FBXL5: variants seen among roughly 807,000 people sequenced by gnomAD.
FBXL5 encodes F-box/LRR-repeat protein 5.
FBXL5 carries 26 observed loss-of-function variants against 78.3 expected under a neutral mutation model. The observed-to-expected ratio is 0.33, with a 90% CI of 0.24 to 0.46. FBXL5 has a LOEUF of 0.46. FBXL5 is among the 20% of genes least tolerant of loss of function. FBXL5 has a pLI of 1.00. For missense variants in FBXL5, 710 were observed against 829.2 expected, an observed-to-expected ratio of 0.86 and a Z score of 1.77; for synonymous variants, 295 against 282.5, an observed-to-expected ratio of 1.04 and a Z score of -0.45.
intron 5 of FBXL5, among the ~76,000 whole-genome samples, chr4:15,631,318 T>A (rs1222819723): frequency 6.6e-6 from 1 of 152,234 alleles, no homozygotes; most frequent in Admixed American, 6.5e-5. Context: ...AGTCTATCAT[T>A]GATGGACATT....
At chr4:15,643,102 T>G (rs1465899500) in intron 2 of FBXL5, among the ~76,000 whole-genome samples, 1 of 152,160 alleles carries the variant, frequency 6.6e-6, no homozygotes, top group East Asian at 1.9e-4. Flanking sequence ...CGAAAGAATA[T>G]TCAATAAAAA....
chr4:15,616,268 C>G (rs369863102), intron 9 of FBXL5, among the ~76,000 whole-genome samples: 3 of 152,354 alleles, frequency 2.0e-5, no homozygotes, highest in African/African-American at 7.2e-5. Context: ...AAGAACCCAC[C>G]AATTCCGGAC....
chr4:15,678,869 C>A, intron 1 of FBXL5, among the ~76,000 whole-genome samples: 1 of 152,092 alleles, frequency 6.6e-6, no homozygotes. Flanking sequence ...CTGTTTCTCA[C>A]TCTACTGTTG....
intron 9 of FBXL5, among the ~76,000 whole-genome samples, chr4:15,616,649 C>T (rs1711914608): frequency 6.6e-6 from 1 of 152,240 alleles, no homozygotes; most frequent in South Asian, 2.1e-4. Flanking sequence ...TTCCCCAATT[C>T]CAGTGACAGC....
chr4:15,607,182 A>T (rs779148313), intron 10 of FBXL5, among the ~76,000 whole-genome samples: 1 of 152,182 alleles, frequency 6.6e-6, no homozygotes, highest in Non-Finnish European at 1.5e-5. Flanking sequence ...TAGATATGGG[A>T]ATGAGCAATG....
chr4:15,674,642 T>C (rs1418399252), intron 1 of FBXL5, among the ~76,000 whole-genome samples: 1 of 151,588 alleles, frequency 6.6e-6, no homozygotes, highest in Non-Finnish European at 1.5e-5. Flanking sequence ...ATCAACGTTA[T>C]GGGATTTTTG....
chr4:15,673,457 A>T (rs568741303), intron 1 of FBXL5, among the ~76,000 whole-genome samples: 1 of 152,224 alleles, frequency 6.6e-6, no homozygotes, highest in South Asian at 2.1e-4. Flanking sequence ...AATAAAGATA[A>T]AATAAGGATA....
At chr4:15,653,923 TTAAG>T (rs1170422463) in intron 1 of FBXL5, among the ~76,000 whole-genome samples, 2 of 152,210 alleles carry the variant, frequency 1.3e-5, no homozygotes, top group African/African-American at 4.8e-5. Context: ...AGTTTTTAGT[TTAAG>T]GCTAATAAGC....
Position 15,636,531 on chromosome 4 carries a change from C to T in FBXL5, c.729G>A (p.Ser243=), listed in dbSNP as rs371090462. The change falls in exon 5 of 11, where the codon TCG becomes TCA. Residue 243 remains serine, a synonymous_variant. Coordinates refer to ENST00000341285, the MANE Select transcript of FBXL5 (RefSeq NM_012161.4). ...MKWSQLTKTG[S]LWKHLYPVHW... is the part of the protein sequence containing the mutation. ...GAACAGGGTAAAGATGTTTCCAAAG[C>T]GATCCCGTTTTTGTCAGCTGAGACC... The T allele has an allele frequency of 3.2e-5, 52 of 1,612,824 alleles. No individual in the cohort carries two copies. Among genetic ancestry groups the T allele is most frequent in the Non-Finnish European group, 4.1e-5 (48 of 1,179,428 alleles).
intron 9 of FBXL5, among the ~76,000 whole-genome samples, chr4:15,623,551 TA>T (rs1369708894): frequency 2.0e-5 from 3 of 152,144 alleles, no homozygotes; most frequent in Non-Finnish European, 4.4e-5. Flanking sequence ...TAAATTGAAC[TA>T]AAAATTGCTT....
intron 1 of FBXL5, among the ~76,000 whole-genome samples, chr4:15,646,612 T>C (rs191229818): frequency 2.0e-5 from 3 of 152,216 alleles, no homozygotes; most frequent in Admixed American, 6.5e-5. Flanking sequence ...TTGTTACATA[T>C]GTATACATGT....
intron 5 of FBXL5, 83 bp downstream of exon 5, chr4:15,636,409 TTC>T (rs1002289635): frequency 6.5e-6 from 7 of 1,081,652 alleles, no homozygotes; most frequent in African/African-American, 1.7e-5. Flanking sequence ...CTCTCAGAGT[TTC>T]TCTCTCTGGC....
At chr4:15,670,710 GA>G (rs59482229) in intron 1 of FBXL5, among the ~76,000 whole-genome samples, 91,358 of 148,846 alleles carry the variant, frequency 0.61, 27,936 homozygotes, top group Non-Finnish European at 0.64. Context: ...TTGAAAAAAG[GA>G]AAAAAAAAAA....
chr4:15,662,033 G>T (rs191698762), upstream of FBXL5, among the ~76,000 whole-genome samples: 14 of 152,324 alleles, frequency 9.2e-5, no homozygotes, highest in East Asian at 2.5e-3. Context: ...GAGAGCAAAT[G>T]ATTTCAAACC....
intron 5 of FBXL5, among the ~76,000 whole-genome samples, chr4:15,635,963 A>C (rs1037626882): frequency 6.6e-6 from 1 of 152,098 alleles, no homozygotes; most frequent in African/African-American, 2.4e-5. Context: ...TGGCATTACC[A>C]ATCAAATAAA....
In FBXL5 at chr4:15,612,957, C is replaced by G. The variant is rs542855042; in HGVS notation, c.1851-543G>C. Among the ~76,000 whole-genome samples the G allele has an allele frequency of 1.2e-4, 18 of 152,264 alleles. No individual in the cohort carries two copies. The South Asian group carries it at 1.4e-3, about 12-fold the overall frequency. On this transcript the variant is annotated intron_variant, in intron 9 of 10. Transcript: ENST00000341285. ...TAGAAAGTAGAAACAACTCAAATGTCCATTAACTAATAAATGGATAAATAA... is the reference window on the plus strand; with the variant it reads ...TAGAAAGTAGAAACAACTCAAATGTGCATTAACTAATAAATGGATAAATAA...
At chr4:15,676,170 TCCATATATATTAGGA>T (rs1480307043) in intron 1 of FBXL5, among the ~76,000 whole-genome samples, 1 of 152,230 alleles carries the variant, frequency 6.6e-6, no homozygotes, top group Non-Finnish European at 1.5e-5. Context: ...TAATCCTTAA[TCCATATATATTAGGA>T]CACTGTTTCA....
intron 9 of FBXL5, among the ~76,000 whole-genome samples, chr4:15,621,514 T>C (rs1427183602): frequency 1.3e-5 from 2 of 152,184 alleles, no homozygotes; most frequent in African/African-American, 4.8e-5. Flanking sequence ...ACCTCAGTGT[T>C]CATCAACAGA....
At chr4:15,667,228 C>G (rs746069230) in intron 1 of FBXL5, among the ~76,000 whole-genome samples, 4 of 152,188 alleles carry the variant, frequency 2.6e-5, no homozygotes, top group Non-Finnish European at 5.9e-5. Context: ...TGATCACGGG[C>G]AACCTCTTTA....
Sources: gnomAD v4.1 joint callset for allele counts (sites outside exome capture counted in the v4.1 genomes callset) on GRCh38, gnomAD v4.1.1 for gene constraint, MANE v1.5 for transcripts, NCBI Gene and HGNC (gene_info 2026-07-23, HGNC 2026-07-21) for gene names.